Variants in NREP observed in about 807,000 individuals in gnomAD.
NREP encodes the protein neuronal regeneration-related protein.
A neutral mutation model predicts 8.6 loss-of-function variants in NREP; 5 were observed. The ratio of observed to expected loss-of-function variants is 0.58; its 90% confidence interval spans 0.30 to 1.22. NREP has a LOEUF of 1.22. Ranked by LOEUF, NREP falls within the 50% of genes most tolerant of loss-of-function variation. The pLI is 0.07. For missense variants in NREP, 86 were observed against 82.5 expected (o/e 1.04, Z -0.17); for synonymous variants, 27 against 28.0 (o/e 0.96, Z 0.11).
intron 2 of NREP, among the ~76,000 whole-genome samples, chr5:111,812,345 T>C (rs542236497): frequency 8.5e-5 from 13 of 152,246 alleles, no homozygotes; most frequent in African/African-American, 3.1e-4. Flanking sequence ...GAAAGTAAGA[T>C]ACTGTGGCTT....
At chr5:111,805,497 A>G (rs1752119325) in intron 2 of NREP, among the ~76,000 whole-genome samples, 1 of 152,248 alleles carries the variant, frequency 6.6e-6, no homozygotes, top group Non-Finnish European at 1.5e-5. Context: ...AATATTGAGG[A>G]ATACCTGTAT....
intron 2 of NREP, among the ~76,000 whole-genome samples, chr5:111,842,830 C>A (rs1753063739): frequency 6.6e-6 from 1 of 152,124 alleles, no homozygotes; most frequent in South Asian, 2.1e-4. Context: ...TGCTGAAGAA[C>A]AAGTTTGTTG....
chr5:111,818,377 G>A (rs974966753), intron 2 of NREP, among the ~76,000 whole-genome samples: 3 of 152,172 alleles, frequency 2.0e-5, no homozygotes, highest in Admixed American at 2.0e-4. Flanking sequence ...CAGTGACGTG[G>A]TGTTATAGAG....
chr5:111,795,305 G>A (rs1470569292), intron 2 of NREP, among the ~76,000 whole-genome samples: 4 of 152,178 alleles, frequency 2.6e-5, no homozygotes, highest in African/African-American at 9.7e-5. Flanking sequence ...TCCAGACTGT[G>A]ATTCCTGTAG....
intron 2 of NREP, among the ~76,000 whole-genome samples, chr5:111,786,050 C>T (rs923782272): frequency 3.3e-5 from 5 of 152,156 alleles, no homozygotes; most frequent in Non-Finnish European, 7.4e-5. Flanking sequence ...TCAAAAGCAG[C>T]CTCTTTCATT....
At chr5:111,859,159 A>G (rs1407456651) in intron 2 of NREP, among the ~76,000 whole-genome samples, 1 of 152,110 alleles carries the variant, frequency 6.6e-6, no homozygotes, top group Non-Finnish European at 1.5e-5. Context: ...ACTTCAAATT[A>G]TAGCTTACAC....
intron 2 of NREP, among the ~76,000 whole-genome samples, chr5:111,973,283 A>C (rs1383435373): frequency 6.6e-6 from 1 of 152,130 alleles, no homozygotes; most frequent in African/African-American, 2.4e-5. Flanking sequence ...AAATGGTTGT[A>C]ATTTGTTTTT....
chr5:111,903,013 T>G (rs1326524487), intron 2 of NREP, among the ~76,000 whole-genome samples: 3 of 152,036 alleles, frequency 2.0e-5, no homozygotes, highest in Non-Finnish European at 4.4e-5. Flanking sequence ...CTGACTTTTA[T>G]GTTGAGAAGT....
chr5:111,930,614 A>G (rs1260374407), intron 2 of NREP, among the ~76,000 whole-genome samples: 1 of 152,182 alleles, frequency 6.6e-6, no homozygotes, highest in Non-Finnish European at 1.5e-5. Flanking sequence ...TGTGACTAGA[A>G]GGAGGTCAAG....
At position 111,873,160 on chromosome 5, in the gene NREP, T is replaced by A. The variant is rs115725672; in HGVS notation, c.135+102114A>T. Reference sequence around the variant, plus strand: ...TTTATCATAATGCCTGCCTTGCACATCTTAAATATCCATTAAAGGATGCTA... The same window carrying A: ...TTTATCATAATGCCTGCCTTGCACAACTTAAATATCCATTAAAGGATGCTA... On this transcript the variant is annotated intron_variant, in intron 2 of 3. Coordinates refer to the NREP transcript ENST00000395634. Among the ~76,000 whole-genome samples the A allele has an allele frequency of 7.1e-3, 1,075 of 152,292 alleles. 23 individuals carry two copies. Among genetic ancestry groups the A allele is most frequent in the African/African-American group, 0.025 (1,036 of 41,562 alleles).
chr5:111,739,303 AG>A (rs1407024145), intron 2 of NREP: 2 of 152,258 alleles, frequency 1.3e-5, no homozygotes, highest in Non-Finnish European at 2.9e-5. Context: ...GAATCAGCCA[AG>A]GAAGATGATA....
At chr5:111,789,428 T>G (rs1293024825) in intron 2 of NREP, among the ~76,000 whole-genome samples, 1 of 152,214 alleles carries the variant, frequency 6.6e-6, no homozygotes, top group East Asian at 1.9e-4. Flanking sequence ...AGGTCTACAT[T>G]CATGTTTTTT....
At chr5:111,758,013 GTCCTGA>G, upstream of NREP, 1 of 985,632 alleles carries the variant, frequency 1.0e-6, no homozygotes, top group Non-Finnish European at 1.2e-6. Context: ...TTATGTGCCT[GTCCTGA>G]GCGAAGCAGA....
intron 2 of NREP, among the ~76,000 whole-genome samples, chr5:111,970,830 A>C (rs1384239046): frequency 6.9e-6 from 1 of 145,728 alleles, no homozygotes; most frequent in Non-Finnish European, 1.5e-5. Flanking sequence ...CATCTCAAAA[A>C]AAAAAAAAAA....
intron 2 of NREP, among the ~76,000 whole-genome samples, chr5:111,923,228 G>C (rs1251763137): frequency 1.3e-5 from 2 of 152,138 alleles, no homozygotes; most frequent in African/African-American, 2.4e-5. Context: ...TTGGGCGCTT[G>C]TGCCTAGTGA....
chr5:111,731,491 A>G (rs574040581), intron 3 of NREP, among the ~76,000 whole-genome samples: 10 of 152,052 alleles, frequency 6.6e-5, no homozygotes, highest in East Asian at 3.9e-4. Context: ...CTATTTTCTA[A>G]TATGTAATAA....
intron 2 of NREP, among the ~76,000 whole-genome samples, chr5:111,824,692 C>T (rs147084743): frequency 2.4e-3 from 371 of 152,258 alleles, no homozygotes; most frequent in Non-Finnish European, 3.9e-3. Context: ...CCTAATTTGA[C>T]TGTGGCCAGA....
At chr5:111,955,076 G>T (rs1398360057) in intron 2 of NREP, among the ~76,000 whole-genome samples, 1 of 152,262 alleles carries the variant, frequency 6.6e-6, no homozygotes, top group East Asian at 1.9e-4. Context: ...AAAGAAGAAC[G>T]TGTCTCCATT....
chr5:111,890,551 C>A (rs1053027135), intron 2 of NREP, among the ~76,000 whole-genome samples: 2 of 152,202 alleles, frequency 1.3e-5, no homozygotes, highest in Non-Finnish European at 2.9e-5. Context: ...CAGCCCCATC[C>A]AAACTCTGCC....
Sources: gnomAD v4.1 joint callset for allele counts (sites outside exome capture counted in the v4.1 genomes callset) on GRCh38, gnomAD v4.1.1 for gene constraint, MANE v1.5 for transcripts, NCBI Gene and HGNC (gene_info 2026-07-23, HGNC 2026-07-21) for gene names.